Variants in MGAT4C observed in about 807,000 individuals in gnomAD.
MGAT4C encodes the protein MGAT4 family member C.
Under a neutral mutation model 40.1 loss-of-function variants are expected in MGAT4C, and 19 were observed. The ratio of observed to expected loss-of-function variants is 0.47; its 90% CI spans 0.33 to 0.70. The LOEUF (loss-of-function observed/expected upper bound fraction) is 0.70. MGAT4C is among the 30% of genes least tolerant of loss of function. The pLI is 0.02. For synonymous variants in MGAT4C, 181 were observed against 187.1 expected (o/e 0.97, Z 0.27); for missense variants, 491 against 563.2 (o/e 0.87, Z 1.30).
intron 1 of MGAT4C, among the ~76,000 whole-genome samples, chr12:86,058,282 A>G (rs1893597122): frequency 6.6e-6 from 1 of 152,086 alleles, no homozygotes; most frequent in Non-Finnish European, 1.5e-5. Context: ...CTTTCTGGTC[A>G]TTTCTTTGAG....
intron 3 of MGAT4C, among the ~76,000 whole-genome samples, chr12:86,431,681 T>C (rs1481076234): frequency 6.6e-6 from 1 of 152,200 alleles, no homozygotes; most frequent in Non-Finnish European, 1.5e-5. Flanking sequence ...CACAGTATAC[T>C]GTAGAGTATC....
intron 1 of MGAT4C, among the ~76,000 whole-genome samples, chr12:86,086,150 T>A (rs992047107): frequency 1.3e-5 from 2 of 152,072 alleles, no homozygotes; most frequent in African/African-American, 4.8e-5. Context: ...CAAATGCCCA[T>A]CAATGTTAGA....
At chr12:86,495,224 AG>A (rs1477030213) in intron 2 of MGAT4C, 1 of 152,104 alleles carries the variant, frequency 6.6e-6, no homozygotes, top group Non-Finnish European at 1.5e-5. Context: ...ACATTTAAAC[AG>A]TATATAGTAA....
In MGAT4C at chr12:86,075,878, G is replaced by A. The variant is rs565169952; in HGVS notation, c.-56-26155C>T. Among the ~76,000 whole-genome samples, 8 of 152,200 alleles carry A rather than the reference G, an allele frequency of 5.3e-5. No homozygotes were observed. The East Asian group carries it at 9.7e-4, about 18-fold the overall frequency. Reference sequence around the variant, plus strand: ...TGGGCCTCTGGGCCTGTGGTGGGAGGGACTGCTGTGAAGACCTCTGACATG... The same window carrying A: ...TGGGCCTCTGGGCCTGTGGTGGGAGAGACTGCTGTGAAGACCTCTGACATG... On this transcript the variant is annotated intron_variant, in intron 1 of 4. Transcript: ENST00000611864.
At chr12:86,238,524 G>A (rs2069306261) in intron 1 of MGAT4C, among the ~76,000 whole-genome samples, 1 of 151,936 alleles carries the variant, frequency 6.6e-6, no homozygotes, top group South Asian at 2.1e-4. Context: ...TAGCTGAAGG[G>A]GAAGCTCTAA....
chr12:86,482,986 T>C (rs1230391504), intron 2 of MGAT4C, among the ~76,000 whole-genome samples: 2 of 152,184 alleles, frequency 1.3e-5, no homozygotes, highest in Non-Finnish European at 2.9e-5. Flanking sequence ...GTTCAAGGCA[T>C]TAGTTTGTCT....
At chr12:86,653,644 A>C (rs1472368733) in intron 2 of MGAT4C, among the ~76,000 whole-genome samples, 1 of 151,892 alleles carries the variant, frequency 6.6e-6, no homozygotes, top group Non-Finnish European at 1.5e-5. Context: ...CCTCTCACTT[A>C]TTTTGTATGT....
intron 3 of MGAT4C, among the ~76,000 whole-genome samples, chr12:86,404,335 C>G (rs142317320): frequency 1.6e-3 from 240 of 152,172 alleles, no homozygotes; most frequent in African/African-American, 5.4e-3. Flanking sequence ...ATATCCTAGT[C>G]GTAGACCTGG....
At chr12:86,372,054 T>C (rs1955725175) in intron 3 of MGAT4C, among the ~76,000 whole-genome samples, 1 of 151,908 alleles carries the variant, frequency 6.6e-6, no homozygotes, top group Non-Finnish European at 1.5e-5. Context: ...TCAAAAAATA[T>C]ACTATATCAA....
intron 2 of MGAT4C, among the ~76,000 whole-genome samples, chr12:86,694,201 C>T (rs545456284): frequency 6.6e-6 from 1 of 152,212 alleles, no homozygotes; most frequent in East Asian, 1.9e-4. Flanking sequence ...ATCTTCTTTT[C>T]TCTGCCCTAG....
intron 2 of MGAT4C, among the ~76,000 whole-genome samples, chr12:86,492,677 C>T (rs1342871375): frequency 6.6e-6 from 1 of 152,072 alleles, no homozygotes; most frequent in East Asian, 1.9e-4. Flanking sequence ...AACGTTAGAC[C>T]TAAAACCATA....
At chr12:86,405,707 G>A (rs1170237651) in intron 3 of MGAT4C, among the ~76,000 whole-genome samples, 1 of 151,578 alleles carries the variant, frequency 6.6e-6, no homozygotes, top group Non-Finnish European at 1.5e-5. Flanking sequence ...CTGATTTACA[G>A]ATATAATATA....
intron 1 of MGAT4C, among the ~76,000 whole-genome samples, chr12:86,228,846 A>G (rs561271953): frequency 6.6e-6 from 1 of 152,012 alleles, no homozygotes; most frequent in South Asian, 2.1e-4. Flanking sequence ...AGTGAAACTA[A>G]ACAAATACAG....
At chr12:86,197,010 AC>A (rs1949839982) in intron 1 of MGAT4C, among the ~76,000 whole-genome samples, 1 of 152,120 alleles carries the variant, frequency 6.6e-6, no homozygotes, top group African/African-American at 2.4e-5. Context: ...CTCACATTTT[AC>A]TCTAAGCAAT....
chr12:86,385,915 ATTATTTT>A (rs1179684091), intron 3 of MGAT4C, among the ~76,000 whole-genome samples: 2 of 151,894 alleles, frequency 1.3e-5, no homozygotes, highest in South Asian at 2.1e-4. Flanking sequence ...TTCATCAGTA[ATTATTTT>A]TTATTTTTTA....
At chr12:86,672,069 A>AAAT in intron 2 of MGAT4C, among the ~76,000 whole-genome samples, 1 of 152,254 alleles carries the variant, frequency 6.6e-6, no homozygotes, top group African/African-American at 2.4e-5. Context: ...CAGAACCTTG[A>AAAT]AATAATATCA....
At chr12:86,157,226 A>G (rs1051628917) in intron 1 of MGAT4C, among the ~76,000 whole-genome samples, 1 of 152,168 alleles carries the variant, frequency 6.6e-6, no homozygotes, top group Non-Finnish European at 1.5e-5. Context: ...GTAGATGATT[A>G]CATTTTCCTC....
chr12:86,290,166 C>A (rs1169900347), intron 4 of MGAT4C, among the ~76,000 whole-genome samples: 1 of 152,056 alleles, frequency 6.6e-6, no homozygotes, highest in African/African-American at 2.4e-5. Context: ...CCTGCCTCAG[C>A]CGCCCAAGTA....
At chr12:86,739,911 A>G (rs1233193926) in intron 1 of MGAT4C, among the ~76,000 whole-genome samples, 3 of 150,330 alleles carry the variant, frequency 2.0e-5, no homozygotes, top group Non-Finnish European at 4.5e-5. Flanking sequence ...AAGGCATATT[A>G]TATATATATA....
Sources: gnomAD v4.1 joint callset for allele counts (sites outside exome capture counted in the v4.1 genomes callset) on GRCh38, gnomAD v4.1.1 for gene constraint, MANE v1.5 for transcripts, NCBI Gene and HGNC (gene_info 2026-07-23, HGNC 2026-07-21) for gene names.